CAMTA1: variants seen among roughly 807,000 people sequenced by gnomAD.
CAMTA1 encodes calmodulin-binding transcription activator 1.
Under a neutral mutation model 170.9 loss-of-function variants are expected in CAMTA1, and 27 were observed. The observed-to-expected ratio is 0.16, with a 90% CI of 0.12 to 0.22. The LOEUF (loss-of-function observed/expected upper bound fraction) is 0.22. CAMTA1 is among the 10% of genes least tolerant of loss of function. CAMTA1 has a pLI of 1.00. For synonymous variants in CAMTA1, 833 were observed against 891.5 expected (o/e 0.93, Z 1.17); for missense variants, 1,619 against 2,217.2 (o/e 0.73, Z 5.42).
intron 5 of CAMTA1, among the ~76,000 whole-genome samples, chr1:7,272,186 T>A (rs1033980318): frequency 1.3e-5 from 2 of 152,154 alleles, no homozygotes; most frequent in African/African-American, 4.8e-5. Context: ...GATACATTTT[T>A]AAAATGAAGT....
intron 3 of CAMTA1, among the ~76,000 whole-genome samples, chr1:6,838,621 G>A (rs1194862673): frequency 6.6e-6 from 1 of 152,040 alleles, no homozygotes; most frequent in Non-Finnish European, 1.5e-5. Context: ...ATATTTCTCT[G>A]TGCCGGTGTG....
At chr1:7,161,380 C>T (rs1350783801) in intron 4 of CAMTA1, among the ~76,000 whole-genome samples, 1 of 152,184 alleles carries the variant, frequency 6.6e-6, no homozygotes. Flanking sequence ...TTCCTTCACT[C>T]ATGCAGCAAA....
intron 3 of CAMTA1, among the ~76,000 whole-genome samples, chr1:7,069,580 A>G (rs1638330491): frequency 6.6e-6 from 1 of 152,052 alleles, no homozygotes; most frequent in Non-Finnish European, 1.5e-5. Context: ...GGTCCCAGGG[A>G]CCACAGGGTC....
intron 3 of CAMTA1, chr1:6,834,586 G>A: frequency 5.5e-6 from 1 of 180,650 alleles, no homozygotes; most frequent in Non-Finnish European, 1.2e-5. Flanking sequence ...GTGTCCTATT[G>A]CAACACTTTC....
At chr1:7,503,782 C>G (rs1243031933) in intron 6 of CAMTA1, among the ~76,000 whole-genome samples, 1 of 152,188 alleles carries the variant, frequency 6.6e-6, no homozygotes, top group African/African-American at 2.4e-5. Context: ...AGCCTGCCCA[C>G]CCACAGTGAT....
chr1:6,902,070 CACAA>C (rs1194847028), intron 3 of CAMTA1, among the ~76,000 whole-genome samples: 5 of 74,544 alleles, frequency 6.7e-5, no homozygotes, highest in East Asian at 2.8e-4. Flanking sequence ...CACACACACA[CACAA>C]AAAAAAAAAT....
intron 6 of CAMTA1, among the ~76,000 whole-genome samples, chr1:7,618,812 A>G (rs56845222): frequency 2.2e-3 from 340 of 152,268 alleles, no homozygotes; most frequent in African/African-American, 7.9e-3. Flanking sequence ...TTGATATTGA[A>G]TTAGGTTAAC....
chr1:7,489,851 G>T (rs2093676475), intron 6 of CAMTA1, among the ~76,000 whole-genome samples: 1 of 152,212 alleles, frequency 6.6e-6, no homozygotes, highest in Non-Finnish European at 1.5e-5. Context: ...GGACATGTCC[G>T]TCCCCACTCC....
intron 5 of CAMTA1, among the ~76,000 whole-genome samples, chr1:7,334,792 A>C (rs927644805): frequency 6.6e-6 from 1 of 152,188 alleles, no homozygotes; most frequent in Non-Finnish European, 1.5e-5. Flanking sequence ...TTCGGTATGC[A>C]AATGAAGCCC....
At chr1:6,905,684 G>C (rs943518016) in intron 3 of CAMTA1, among the ~76,000 whole-genome samples, 1 of 152,072 alleles carries the variant, frequency 6.6e-6, no homozygotes, top group Non-Finnish European at 1.5e-5. Context: ...TGTATTGTCC[G>C]TGCCCCTGCC....
At chr1:7,508,665 G>A (rs1423826969) in intron 6 of CAMTA1, among the ~76,000 whole-genome samples, 1 of 151,932 alleles carries the variant, frequency 6.6e-6, no homozygotes, top group African/African-American at 2.4e-5. Flanking sequence ...AAGAGAGAAG[G>A]GAGGAGGAAA....
chr1:7,354,150 CTTT>C (rs565138164), intron 5 of CAMTA1, among the ~76,000 whole-genome samples: 7 of 140,418 alleles, frequency 5.0e-5, no homozygotes, highest in Non-Finnish European at 6.2e-5. Context: ...TTCTTTTTCT[CTTT>C]TTTTTTTTTT....
At chr1:7,100,137 C>T (rs1013911311) in intron 4 of CAMTA1, among the ~76,000 whole-genome samples, 11 of 152,112 alleles carry the variant, frequency 7.2e-5, no homozygotes, top group Admixed American at 2.6e-4. Context: ...GCTTGGCAGG[C>T]GGGTTAGCGT....
At chr1:7,469,359 CT>C (rs2093284491) in intron 6 of CAMTA1, among the ~76,000 whole-genome samples, 1 of 152,210 alleles carries the variant, frequency 6.6e-6, no homozygotes, top group African/African-American at 2.4e-5. Context: ...GGGTTTTCTC[CT>C]CTACCCGATG....
chr1:7,366,809 G>C (rs565110256), intron 5 of CAMTA1, among the ~76,000 whole-genome samples: 149 of 152,346 alleles, frequency 9.8e-4, no homozygotes, highest in African/African-American at 3.1e-3. Flanking sequence ...CCTGAGCTCT[G>C]TCTGTGGGTT....
rs144941062 is a variant in CAMTA1, at chr1:6,966,297, G to C, written c.235-125007G>C. Among the ~76,000 whole-genome samples the C allele has an allele frequency of 1.3e-3, 193 of 152,028 alleles. 1 individual carries two copies. Among genetic ancestry groups the C allele is most frequent in the African/African-American group, 4.3e-3 (179 of 41,456 alleles). On this transcript the variant is annotated intron_variant, in intron 3 of 22. Coordinates refer to ENST00000303635, the MANE Select transcript of CAMTA1 (RefSeq NM_015215.4). ...TGCCCCAGTCTATTTTAGGACATTTGTGTTACCCCAAGAGAAACCCCTCAC... is the reference window on the plus strand; with the variant it reads ...TGCCCCAGTCTATTTTAGGACATTTCTGTTACCCCAAGAGAAACCCCTCAC...
At chr1:7,158,081 C>T (rs1053174387) in intron 4 of CAMTA1, among the ~76,000 whole-genome samples, 5 of 152,144 alleles carry the variant, frequency 3.3e-5, no homozygotes, top group Non-Finnish European at 7.3e-5. Context: ...ATGGCGTGAA[C>T]CCGGAAGGCG....
intron 6 of CAMTA1, among the ~76,000 whole-genome samples, chr1:7,614,871 A>G (rs777426951): frequency 2.6e-5 from 4 of 152,054 alleles, no homozygotes; most frequent in Non-Finnish European, 5.9e-5. Context: ...CTTAACCTCC[A>G]TCAGGGCCCT....
intron 11 of CAMTA1, among the ~76,000 whole-genome samples, chr1:7,709,566 C>G (rs1035919751): frequency 6.6e-6 from 1 of 152,148 alleles, no homozygotes; most frequent in Non-Finnish European, 1.5e-5. Context: ...CTTGAGGTGG[C>G]CCTAAAAATC....
Sources: gnomAD v4.1 joint callset for allele counts (sites outside exome capture counted in the v4.1 genomes callset) on GRCh38, gnomAD v4.1.1 for gene constraint, MANE v1.5 for transcripts, NCBI Gene and HGNC (gene_info 2026-07-23, HGNC 2026-07-21) for gene names.